Variants in SLC6A19 observed in about 807,000 individuals in gnomAD.
The protein encoded by SLC6A19 is solute carrier family 6 member 19.
SLC6A19 carries 67 observed loss-of-function variants against 68.3 expected under a neutral mutation model. The ratio of observed to expected loss-of-function variants is 0.98; its 90% confidence interval spans 0.81 to 1.20. The LOEUF is 1.20. Ranked by LOEUF, SLC6A19 falls within the 50% of genes most tolerant of loss-of-function variation. SLC6A19 has a pLI of 0.00. For missense variants in SLC6A19, 813 were observed against 851.6 expected (o/e 0.95, Z 0.56); for synonymous variants, 392 against 374.9 (o/e 1.05, Z -0.53).
intron 1 of SLC6A19, among the ~76,000 whole-genome samples, chr5:1,204,362 C>T (rs1019108737): frequency 2.6e-5 from 4 of 152,226 alleles, no homozygotes; most frequent in Admixed American, 6.5e-5. Context: ...GTCTCAAGGG[C>T]GTGCTGCACC....
intron 10 of SLC6A19, among the ~76,000 whole-genome samples, chr5:1,219,916 C>T (rs1746323592): frequency 6.6e-6 from 1 of 152,186 alleles, no homozygotes; most frequent in Non-Finnish European, 1.5e-5. Context: ...CAGACCTTGG[C>T]GGTGCCCACG....
intron 1 of SLC6A19, among the ~76,000 whole-genome samples, chr5:1,208,255 C>G (rs1251644348): frequency 6.6e-6 from 1 of 152,168 alleles, no homozygotes; most frequent in Non-Finnish European, 1.5e-5. Context: ...ACAGGCATGC[C>G]AAATCCACAG....
At chr5:1,221,090 AAGCTT>A in intron 10 of SLC6A19, 56 bp from the exon 11 acceptor site, 2 of 1,586,938 alleles carry the variant, frequency 1.3e-6, no homozygotes, top group Middle Eastern at 1.7e-4. Context: ...AACGTACAGA[AAGCTT>A]AGCGAGTTGA....
At chr5:1,217,598 G>A (rs568793733) in intron 8 of SLC6A19, among the ~76,000 whole-genome samples, 1 of 152,154 alleles carries the variant, frequency 6.6e-6, no homozygotes, top group African/African-American at 2.4e-5. Context: ...AGCCATTTCC[G>A]CACCAGCTGG....
chr5:1,206,314 CTCTG>C (rs891855662), intron 1 of SLC6A19, among the ~76,000 whole-genome samples: 11 of 150,048 alleles, frequency 7.3e-5, no homozygotes, highest in African/African-American at 2.5e-4. Context: ...GTGTGTGTCT[CTCTG>C]TCTCTTTTTC....
At position 1,223,981 on chromosome 5, in the gene SLC6A19, C is replaced by T. The variant is rs1367303251; in HGVS notation, c.*2077C>T. ...GAGGTGGGGGGACATATCACAGCCT[C>T]TGCCCCCGGCTGTGATGCCACCGAG... On this transcript the variant is annotated 3_prime_UTR_variant, in exon 12 of 12. Coordinates refer to ENST00000304460, the MANE Select transcript of SLC6A19 (RefSeq NM_001003841.3). The T allele has an allele frequency of 6.6e-6, 1 of 152,304 alleles. No individual in the cohort carries two copies. The highest frequency in any genetic ancestry group is 1.9e-4 in the East Asian group (1 of 5,200). The allele number at this position is 152,304 out of a possible 1,614,324, so 9.4% of individuals were successfully genotyped here.
chr5:1,215,115 C>T lies in SLC6A19; in HGVS notation c.887+1050C>T, dbSNP rs377395051. On this transcript the variant is annotated intron_variant, in intron 6 of 11. Transcript: ENST00000304460. The surrounding 1 kb of genome is among the most constrained non-coding windows in gnomAD (Gnocchi z 5.1). ...CAGGCCTCAGGAGCTCCCCTGGGTG[C>T]TGAGGGCAGGTGCTAGGAGGACCCC... is the stretch of plus-strand genomic sequence containing the variant. 5.9e-5 allele frequency among the ~76,000 whole-genome samples: 9 copies of T among 151,934 alleles called. No individual in the cohort carries two copies. Among genetic ancestry groups the T allele is most frequent in the African/African-American group, 2.2e-4 (9 of 41,424 alleles).
In SLC6A19 at chr5:1,214,207, G is replaced by T; in HGVS notation, c.887+142G>T. ...CCGATGGGCCCGTTCCCTCCTGCTC[G>T]GGGTCCATGTGAGCTGAGTCTAGAG... On this transcript the variant is annotated intron_variant, in intron 6 of 11. Coordinates refer to ENST00000304460, the MANE Select transcript of SLC6A19 (RefSeq NM_001003841.3). The surrounding 1 kb of genome is among the most constrained non-coding windows in gnomAD (Gnocchi z 7.4). 4.1e-6 allele frequency: 6 copies of T among 1,477,066 alleles called. No individual in the cohort carries two copies. The highest frequency in any genetic ancestry group is 5.4e-6 in the Non-Finnish European group (6 of 1,102,178). The allele number at this position is 1,477,066 out of a possible 1,614,324, so 91.5% of individuals were successfully genotyped here.
Position 1,221,267 on chromosome 5 carries a change from T to C in SLC6A19, c.1655T>C (p.Val552Ala). The change falls in exon 11 of 12, where the codon GTA (valine) becomes GCA (alanine). Residue 552 changes from valine (V) to alanine (A), a missense_variant. Transcript: ENST00000304460. ...ATCATCTTCCTCTTCTTCTTCGTGGTAGAGGTCAGTCAGGAGCTGACCTAC... is the reference window on the plus strand; with the variant it reads ...ATCATCTTCCTCTTCTTCTTCGTGGCAGAGGTCAGTCAGGAGCTGACCTAC... ...MLIIFLFFFV[V>A]EVSQELTYSI... The C allele has an allele frequency of 1.2e-6, 2 of 1,614,088 alleles. No homozygotes were observed. The highest frequency in any genetic ancestry group is 2.2e-5 in the East Asian group (1 of 44,876).
rs573966772 is a variant in SLC6A19, at chr5:1,202,804, T to A, written c.202+952T>A. ...CACGCGGGCTTTGTGATGTGAAGGT[T>A]TTTAAAGAAAAACAGAAATGGGCTT... is the stretch of plus-strand genomic sequence containing the variant. On this transcript the variant is annotated intron_variant, in intron 1 of 11. Transcript: ENST00000304460. Among the ~76,000 whole-genome samples the A allele has an allele frequency of 5.3e-5, 8 of 152,258 alleles. No homozygotes were observed. The South Asian group carries it at 1.5e-3, about 28-fold the overall frequency.
At chr5:1,203,053 A>G (rs1480290546) in intron 1 of SLC6A19, among the ~76,000 whole-genome samples, 1 of 151,980 alleles carries the variant, frequency 6.6e-6, no homozygotes, top group East Asian at 1.9e-4. Context: ...CCAGGGCCCT[A>G]TCCTGTGGGG....
intron 8 of SLC6A19, among the ~76,000 whole-genome samples, chr5:1,217,696 GC>G (rs932414028): frequency 1.3e-5 from 2 of 152,250 alleles, no homozygotes; most frequent in Non-Finnish European, 2.9e-5. Flanking sequence ...GGCAGGAGGG[GC>G]CCAACAGGGC....
chr5:1,213,751 G>A (rs1373118803), intron 5 of SLC6A19, among the ~76,000 whole-genome samples, 178 bp downstream of exon 5: 3 of 152,048 alleles, frequency 2.0e-5, no homozygotes, highest in African/African-American at 7.2e-5. Context: ...TGGGGCCTGG[G>A]GCAGCTCCTG....
rs1433409858 is a variant in SLC6A19 at position 1,201,617 on chromosome 5, T to G, written c.-34T>G. ...GCCACTCGCCCTCCAGCTTCTGCCCTGCCTGCTGTGTGCGGAGCCGTCCAG... is the reference window on the plus strand; with the variant it reads ...GCCACTCGCCCTCCAGCTTCTGCCCGGCCTGCTGTGTGCGGAGCCGTCCAG... On this transcript the variant is annotated 5_prime_UTR_variant, in exon 1 of 12. Coordinates refer to ENST00000304460, the MANE Select transcript of SLC6A19 (RefSeq NM_001003841.3). The G allele has an allele frequency of 6.3e-7, 1 of 1,591,128 alleles. No homozygotes were observed. Among genetic ancestry groups the G allele is most frequent in the Admixed American group, 1.7e-5 (1 of 58,338 alleles).
chr5:1,207,735 T>C (rs1211241042), intron 1 of SLC6A19, among the ~76,000 whole-genome samples: 2 of 152,246 alleles, frequency 1.3e-5, no homozygotes, highest in African/African-American at 4.8e-5. Flanking sequence ...GCCCTCGGTT[T>C]AGACCATGAG....
At chr5:1,219,446 G>T in intron 9 of SLC6A19, 59 bp from the exon 10 acceptor site, 2 of 1,599,874 alleles carry the variant, frequency 1.3e-6, no homozygotes, top group Non-Finnish European at 8.5e-7. Flanking sequence ...GAACAGCTCT[G>T]TCCCTGGCCG....
At chr5:1,217,590 C>T (rs1250425409) in intron 8 of SLC6A19, among the ~76,000 whole-genome samples, 1 of 152,194 alleles carries the variant, frequency 6.6e-6, no homozygotes, top group Non-Finnish European at 1.5e-5. Context: ...GCAGAGCGAG[C>T]CATTTCCGCA....
At position 1,221,735 on chromosome 5, in the gene SLC6A19, C is replaced by T. The variant is rs751554174; in HGVS notation, c.1736C>T (p.Pro579Leu). Residue 579 changes from proline (P) to leucine (L), a missense_variant, in exon 12 of 12, where the codon CCG (proline) becomes CTG (leucine). Transcript: ENST00000304460. ...CCCAAATCCCAGAAGATCTCCTACCCGAACTGGGTGTATGTGGTGGTGGTG... is the reference window on the plus strand; with the variant it reads ...CCCAAATCCCAGAAGATCTCCTACCTGAACTGGGTGTATGTGGTGGTGGTG... ...EFPKSQKISY[P>L]NWVYVVVVIV... The T allele has an allele frequency of 3.2e-5, 51 of 1,613,954 alleles. No homozygotes were observed. Among genetic ancestry groups the T allele is most frequent in the Non-Finnish European group, 3.1e-5 (37 of 1,179,946 alleles).
chr5:1,222,546 T>C lies in SLC6A19; in HGVS notation c.*642T>C. ...GCATGTGTACGTGTGTGTATACGTG[T>C]GTTGTGTATATGTGTGTGTCTGTAC... is the stretch of plus-strand genomic sequence containing the variant. On this transcript the variant is annotated 3_prime_UTR_variant, in exon 12 of 12. Coordinates refer to ENST00000304460, the MANE Select transcript of SLC6A19 (RefSeq NM_001003841.3). 1 of 388,974 alleles carries C rather than the reference T, an allele frequency of 2.6e-6. No homozygotes were observed. Among genetic ancestry groups the C allele is most frequent in the East Asian group, 3.6e-5 (1 of 27,518 alleles). 24.1% of individuals were successfully genotyped at this position (388,974 alleles called of 1,614,324 possible). A position where few individuals can be genotyped will look rare whatever the true frequency, so the allele number is the denominator to read the frequency against.
Sources: gnomAD v4.1 joint callset for allele counts (sites outside exome capture counted in the v4.1 genomes callset) on GRCh38, gnomAD v4.1.1 for gene constraint, Gnocchi (gnomAD v3.1) non-coding constraint, MANE v1.5 for transcripts, NCBI Gene and HGNC (gene_info 2026-07-23, HGNC 2026-07-21) for gene names.